The following TAF3 variants were observed in gnomAD, a reference collection of about 807,000 sequenced individuals.
The protein encoded by TAF3 is transcription initiation factor TFIID subunit 3.
In TAF3, 7 loss-of-function variants were observed where a neutral mutation model predicts 80.6. The observed-to-expected ratio is 0.09, with a 90% CI of 0.05 to 0.16. The LOEUF is 0.16. Ranked by LOEUF, TAF3 falls within the 10% of genes least tolerant of loss-of-function variation. The pLI is 1.00. For missense variants in TAF3, 921 were observed against 1,140.2 expected, an observed-to-expected ratio of 0.81 and a Z score of 2.77; for synonymous variants, 444 against 446.1, an observed-to-expected ratio of 1.00 and a Z score of 0.06.
At chr10:7,910,063 A>G (rs1837642316) in intron 2 of TAF3, among the ~76,000 whole-genome samples, 1 of 152,166 alleles carries the variant, frequency 6.6e-6, no homozygotes, top group African/African-American at 2.4e-5. Context: ...ATAGGTTTTC[A>G]TTGTTGTATT....
intron 2 of TAF3, among the ~76,000 whole-genome samples, chr10:7,930,776 AT>A (rs890368594): frequency 5.2e-4 from 79 of 150,908 alleles, no homozygotes; most frequent in Non-Finnish European, 8.7e-4. Flanking sequence ...ACTGGTATCC[AT>A]TTTTTTTTCT....
At chr10:7,993,437 C>G (rs1156858426) in intron 4 of TAF3, among the ~76,000 whole-genome samples, 3 of 152,194 alleles carry the variant, frequency 2.0e-5, no homozygotes, top group Admixed American at 6.5e-5. Context: ...CCTCAGCCTC[C>G]CGAATTGCTG....
At chr10:7,948,050 T>C (rs1340032833) in intron 2 of TAF3, among the ~76,000 whole-genome samples, 1 of 150,884 alleles carries the variant, frequency 6.6e-6, no homozygotes, top group Non-Finnish European at 1.5e-5. Flanking sequence ...TTAAATATAG[T>C]ACTTTATGAC....
At chr10:7,956,538 AC>A (rs1838137903) in intron 2 of TAF3, among the ~76,000 whole-genome samples, 1 of 152,130 alleles carries the variant, frequency 6.6e-6, no homozygotes, top group Admixed American at 6.5e-5. Flanking sequence ...TTGACCTGGA[AC>A]CATTGATTGT....
At chr10:7,838,924 G>GGGTT (rs1836881947) in intron 2 of TAF3, among the ~76,000 whole-genome samples, 4 of 55,218 alleles carry the variant, frequency 7.2e-5, no homozygotes, top group African/African-American at 1.5e-4. Flanking sequence ...TTTTTTTTTT[G>GGGTT]GTTTGTTTGT....
At chr10:7,970,539 C>T (rs78679257) in intron 3 of TAF3, among the ~76,000 whole-genome samples, 188 of 152,272 alleles carry the variant, frequency 1.2e-3, no homozygotes, top group African/African-American at 4.3e-3. Context: ...GCTTTGGTGA[C>T]CTAAGTGACA....
At chr10:7,960,307 C>A (rs9633771) in intron 2 of TAF3, among the ~76,000 whole-genome samples, 35,413 of 151,930 alleles carry the variant, frequency 0.23, 4,423 homozygotes, top group East Asian at 0.4. Context: ...ATAGCAAAAG[C>A]GAGGGAGGGA....
chr10:7,999,437 AAGAAAG>A lies in TAF3; in HGVS notation c.2316-9639_2316-9634del, dbSNP rs1429351879. Among the ~76,000 whole-genome samples, 701 of 149,260 alleles carry A rather than the reference AAGAAAG, an allele frequency of 4.7e-3. 8 individuals are homozygous for A. Among genetic ancestry groups the A allele is most frequent in the East Asian group, 0.027 (139 of 5,162 alleles). On this transcript the variant is annotated intron_variant, in intron 4 of 6. Coordinates refer to ENST00000344293, the MANE Select transcript of TAF3 (RefSeq NM_031923.4). ...TGTCTAAAGGCTGTTAAAAAAAAAA[AAGAAAG>A]AAAGAAAGAAAGAAGTTTTTTTTTT...
At position 8,006,805 on chromosome 10, in the gene TAF3, T is replaced by C. The variant is rs150599868; in HGVS notation, c.2316-2273T>C. On this transcript the variant is annotated intron_variant, in intron 4 of 6. Coordinates refer to ENST00000344293, the MANE Select transcript of TAF3 (RefSeq NM_031923.4). ...GGCTGGCAGCAATGAGGCCAGAGGCTGTCGTGAGCAACAGCCGTGAACATG... is the reference window on the plus strand; with the variant it reads ...GGCTGGCAGCAATGAGGCCAGAGGCCGTCGTGAGCAACAGCCGTGAACATG... Among the ~76,000 whole-genome samples the C allele has an allele frequency of 3.3e-3, 497 of 152,332 alleles. 2 individuals are homozygous for C. Among genetic ancestry groups the C allele is most frequent in the African/African-American group, 0.011 (476 of 41,578 alleles).
chr10:8,011,370 C>T (rs1199181802), intron 5 of TAF3, among the ~76,000 whole-genome samples: 1 of 152,204 alleles, frequency 6.6e-6, no homozygotes, highest in Non-Finnish European at 1.5e-5. Flanking sequence ...CCCCTCACCT[C>T]AGCCTCCCGA....
intron 2 of TAF3, among the ~76,000 whole-genome samples, chr10:7,871,705 A>C (rs991708255): frequency 2.6e-5 from 4 of 151,946 alleles, no homozygotes; most frequent in African/African-American, 9.7e-5. Flanking sequence ...CAGCCTCCCA[A>C]AGTGCTGGAA....
chr10:7,888,631 A>C (rs181351224), intron 2 of TAF3, among the ~76,000 whole-genome samples: 2 of 152,300 alleles, frequency 1.3e-5, no homozygotes, highest in East Asian at 3.9e-4. Context: ...TTTACAGGTT[A>C]TGTAAGTGCC....
chr10:7,872,109 T>C (rs1025232368), intron 2 of TAF3, among the ~76,000 whole-genome samples: 21 of 152,182 alleles, frequency 1.4e-4, no homozygotes, highest in Admixed American at 5.9e-4. Context: ...TAATTAAAGT[T>C]TGTTCTTCCT....
At chr10:7,830,245 A>G (rs78318599) in intron 2 of TAF3, among the ~76,000 whole-genome samples, 2,230 of 151,984 alleles carry the variant, frequency 0.015, 56 homozygotes, top group African/African-American at 0.052. Flanking sequence ...GGAAATTTAA[A>G]CCCTTTCTCC....
At chr10:7,985,460 C>G (rs1044121599) in intron 4 of TAF3, among the ~76,000 whole-genome samples, 3 of 152,160 alleles carry the variant, frequency 2.0e-5, no homozygotes, top group Non-Finnish European at 4.4e-5. Context: ...CTTCATCAAG[C>G]CTTCCCTCTG....
chr10:7,820,644 G>A (rs972793151), intron 1 of TAF3, among the ~76,000 whole-genome samples: 3 of 152,146 alleles, frequency 2.0e-5, no homozygotes, highest in Non-Finnish European at 4.4e-5. Flanking sequence ...ACAGGGATAC[G>A]CCACCATGCC....
intron 2 of TAF3, among the ~76,000 whole-genome samples, chr10:7,885,379 C>A (rs1205431893): frequency 6.6e-6 from 1 of 151,664 alleles, no homozygotes; most frequent in Non-Finnish European, 1.5e-5. Context: ...ATTTATATTT[C>A]TTTTTTAGGC....
intron 2 of TAF3, among the ~76,000 whole-genome samples, chr10:7,904,132 T>G (rs1837584947): frequency 6.6e-6 from 1 of 151,784 alleles, no homozygotes; most frequent in African/African-American, 2.4e-5. Flanking sequence ...CTGAACTTGT[T>G]CTGAATTCAG....
rs375942507 is a variant in TAF3 at position 7,818,811 on chromosome 10, C to G, written c.102C>G (p.Leu34=). ...TGCAGCTCAGCGCCTGCCACCTCCT[C>G]ACGGACGTGCTGCAGCGCTATCTGC... ...DSVQLSACHL[L]TDVLQRYLQQ... Residue 34 remains leucine (L), a synonymous_variant, in exon 1 of 7, where the codon CTC becomes CTG. Transcript: ENST00000344293. 7.3e-5 allele frequency: 114 copies of G among 1,569,490 alleles called. 2 individuals are homozygous for G. The highest frequency in any genetic ancestry group is 4.9e-4 in the South Asian group (44 of 88,906).
Sources: gnomAD v4.1 joint callset for allele counts (sites outside exome capture counted in the v4.1 genomes callset) on GRCh38, gnomAD v4.1.1 for gene constraint, MANE v1.5 for transcripts, NCBI Gene and HGNC (gene_info 2026-07-23, HGNC 2026-07-21) for gene names.